The following YEATS2 variants were observed in gnomAD, a reference collection of about 807,000 sequenced individuals.
The protein encoded by YEATS2 is YEATS domain containing 2.
Under a neutral mutation model 163.2 loss-of-function variants are expected in YEATS2, and 77 were observed. That is an observed-to-expected ratio of 0.47 (90% CI 0.39 to 0.57). The LOEUF is 0.57. YEATS2 is among the 20% of genes least tolerant of loss of function. The pLI is 0.00. For missense variants in YEATS2, 1,549 were observed against 1,729.8 expected, an observed-to-expected ratio of 0.90 and a Z score of 1.85; for synonymous variants, 631 against 645.1, an observed-to-expected ratio of 0.98 and a Z score of 0.33.
chr3:183,768,530 C>T (rs1722139135), intron 15 of YEATS2, among the ~76,000 whole-genome samples: 1 of 151,878 alleles, frequency 6.6e-6, no homozygotes, highest in African/African-American at 2.4e-5. Flanking sequence ...AGTTTTGCTA[C>T]ATTAAGAAGG....
chr3:183,773,599 T>G, intron 16 of YEATS2, 34 bp from the exon 17 acceptor site: 1 of 1,556,236 alleles, frequency 6.4e-7, no homozygotes, highest in South Asian at 1.2e-5. Context: ...TAGTTTCAAT[T>G]TATCTTACAA....
chr3:183,722,691 C>CACCCAGG (rs1716651954), intron 5 of YEATS2, among the ~76,000 whole-genome samples: 1 of 148,650 alleles, frequency 6.7e-6, no homozygotes, highest in Admixed American at 6.7e-5. Flanking sequence ...CTCGCTTTAT[C>CACCCAGG]ACCCAGGCTG....
Position 183,773,695 on chromosome 3 carries a change from A to ACTAAACTCTAC in YEATS2, c.2274_2284dup (p.Thr762AsnfsTer4). The ACTAAACTCTAC allele has an allele frequency of 6.2e-7, 1 of 1,613,514 alleles. No homozygotes were observed. The highest frequency in any genetic ancestry group is 8.5e-7 in the Non-Finnish European group (1 of 1,179,818). On this transcript the variant is annotated frameshift_variant, in exon 17 of 31. Coordinates refer to ENST00000305135, the MANE Select transcript of YEATS2 (RefSeq NM_018023.5). LOFTEE classifies it high-confidence loss of function. ...CAACTTGGCAAATTTGCCTCCTGGC[A>ACTAAACTCTAC]CTAAACTCTACCTAACTACAAACAG...
chr3:183,722,275 A>AAT, intron 5 of YEATS2, 139 bp downstream of exon 5: 3 of 682,810 alleles, frequency 4.4e-6, no homozygotes, highest in Non-Finnish European at 6.1e-6. Flanking sequence ...GGGGAAACCA[A>AAT]ATCTTTTTTT....
At chr3:183,713,466 G>A (rs1715480004) in intron 1 of YEATS2, among the ~76,000 whole-genome samples, 1 of 152,164 alleles carries the variant, frequency 6.6e-6, no homozygotes, top group Non-Finnish European at 1.5e-5. Flanking sequence ...AGGAGGCTGA[G>A]GCAGGAGAAT....
At chr3:183,787,120 A>G (rs1366509882) in intron 20 of YEATS2, among the ~76,000 whole-genome samples, 1 of 151,972 alleles carries the variant, frequency 6.6e-6, no homozygotes, top group Non-Finnish European at 1.5e-5. Flanking sequence ...ATGTCCGGCT[A>G]ATTTTTTGTA....
In YEATS2 at chr3:183,779,698, A is replaced by T. The variant is rs994268899; in HGVS notation, c.2736+1998A>T. ...AAACTTTATTTTTATTTATTTATTT[A>T]TTTTTTATATATTTTTTTGAGACAC... On this transcript the variant is annotated intron_variant, in intron 19 of 30. Transcript: ENST00000305135. 6.0e-5 allele frequency among the ~76,000 whole-genome samples: 9 copies of T among 151,208 alleles called. No homozygotes were observed. In the South Asian group the frequency reaches 6.3e-4, roughly 11 times the overall value.
rs1666486689 is a variant in YEATS2 at position 183,804,157 on chromosome 3, G to C, written c.3753G>C (p.Glu1251Asp). 3 of 1,614,180 alleles carry C rather than the reference G, an allele frequency of 1.9e-6. No individual in the cohort carries two copies. The highest frequency in any genetic ancestry group is 1.3e-5 in the African/African-American group (1 of 75,042). Residue 1251 changes from glutamate to aspartate, a missense_variant, in exon 27 of 31, where the codon GAG (glutamate) becomes GAC (aspartate). Glu to Asp is a conservative substitution (Grantham distance 45). Coordinates refer to ENST00000305135, the MANE Select transcript of YEATS2 (RefSeq NM_018023.5). ...TGAGGAATGACGGGGACTCCATCGA[G>C]GACGTGCTGACCCAGATCGACAGCG... ...ESLRNDGDSI[E>D]DVLTQIDSEP...
chr3:183,772,786 C>CAT (rs1360278500), intron 16 of YEATS2, among the ~76,000 whole-genome samples: 12 of 149,426 alleles, frequency 8.0e-5, no homozygotes, highest in South Asian at 2.1e-4. Flanking sequence ...CACCCACATA[C>CAT]ACACACACAC....
At chr3:183,786,410 A>C in intron 20 of YEATS2, 109 bp downstream of exon 20, 1 of 1,034,454 alleles carries the variant, frequency 9.7e-7, no homozygotes. Context: ...ATACTCAACT[A>C]TTGCTTTTTT....
intron 15 of YEATS2, among the ~76,000 whole-genome samples, chr3:183,763,424 A>G (rs1208907513): frequency 1.3e-5 from 2 of 152,270 alleles, no homozygotes; most frequent in African/African-American, 4.8e-5. Context: ...GCAGTCTGTC[A>G]TTGACTAAAA....
intron 21 of YEATS2, among the ~76,000 whole-genome samples, chr3:183,795,180 AAAAAG>A (rs918789888): frequency 6.0e-5 from 9 of 150,332 alleles, no homozygotes; most frequent in Admixed American, 2.0e-4. Flanking sequence ...TCAAAAAAAA[AAAAAG>A]AAAAAGAAAA....
rs200750272 is a variant in YEATS2 at position 183,772,016 on chromosome 3, C to T, written c.1948-289C>T. On this transcript the variant is annotated intron_variant, in intron 15 of 30. Coordinates refer to ENST00000305135, the MANE Select transcript of YEATS2 (RefSeq NM_018023.5). ...TGCTGGGATTACAGGCATGAGCCAC[C>T]ACGCCCGGCCAAACTTTTTTCTTTA... Among the ~76,000 whole-genome samples, 56 of 152,214 alleles carry T rather than the reference C, an allele frequency of 3.7e-4. 1 individual carries two copies. The highest frequency in any genetic ancestry group is 3.1e-3 in the Admixed American group (48 of 15,290).
chr3:183,764,102 T>C (rs946230006), intron 15 of YEATS2, among the ~76,000 whole-genome samples: 13 of 151,928 alleles, frequency 8.6e-5, no homozygotes, highest in African/African-American at 2.7e-4. Context: ...CTGGGCACGG[T>C]GGCTCACGCC....
intron 27 of YEATS2, among the ~76,000 whole-genome samples, chr3:183,804,648 A>G (rs1156258760): frequency 1.3e-5 from 2 of 152,206 alleles, no homozygotes; most frequent in Non-Finnish European, 2.9e-5. Context: ...GGCACTTGTG[A>G]AAACTAGTAA....
chr3:183,721,854 G>T, intron 4 of YEATS2, 37 bp from the exon 5 acceptor site: 1 of 1,606,154 alleles, frequency 6.2e-7, no homozygotes, highest in South Asian at 1.1e-5. Context: ...TGATGGATTT[G>T]ATTAAAAATT....
At position 183,803,282 on chromosome 3, in the gene YEATS2, A is replaced by C; in HGVS notation, c.3529A>C (p.Lys1177Gln). Residue 1177 changes from lysine to glutamine, a missense_variant, in exon 26 of 31, where the codon AAG (lysine) becomes CAG (glutamine). By Grantham distance (53) the Lys-to-Gln change is moderately conservative. Coordinates refer to ENST00000305135, the MANE Select transcript of YEATS2 (RefSeq NM_018023.5). ...KSEDASCFSAKSVEQYYGWNI... is the reference protein window; with the variant it reads ...KSEDASCFSAQSVEQYYGWNI... ...TGAAGATGCCAGCTGCTTTTCTGCAAAGTCTGTGGAGCAGTACTATGGCTG... is the reference window on the plus strand; with the variant it reads ...TGAAGATGCCAGCTGCTTTTCTGCACAGTCTGTGGAGCAGTACTATGGCTG... 6.2e-7 allele frequency: 1 copy of C among 1,611,952 alleles called. No homozygotes were observed. The highest frequency in any genetic ancestry group is 8.5e-7 in the Non-Finnish European group (1 of 1,179,912).
intron 1 of YEATS2, among the ~76,000 whole-genome samples, chr3:183,707,254 A>G (rs1427248968): frequency 1.3e-5 from 2 of 152,180 alleles, no homozygotes; most frequent in Non-Finnish European, 2.9e-5. Context: ...AGCACCTCCA[A>G]CTATGATTCT....
intron 8 of YEATS2, among the ~76,000 whole-genome samples, chr3:183,741,630 A>G (rs749205700): frequency 3.3e-5 from 5 of 151,776 alleles, no homozygotes; most frequent in Non-Finnish European, 7.4e-5. Context: ...AAAAATACAA[A>G]AAGTAGCTGG....
Sources: allele counts gnomAD v4.1 joint callset (sites outside exome capture counted in the v4.1 genomes callset), GRCh38; gene constraint gnomAD v4.1.1; transcripts MANE v1.5; gene names NCBI Gene and HGNC (gene_info 2026-07-23, HGNC 2026-07-21).